RIOK1: variants seen among roughly 807,000 people sequenced by gnomAD.
RIOK1 encodes the protein RIO kinase 1, also known as serine/threonine-protein kinase RIO1.
A neutral mutation model predicts 73.5 loss-of-function variants in RIOK1; 66 were observed. The observed-to-expected ratio is 0.90, with a 90% CI of 0.74 to 1.10. RIOK1 has a LOEUF of 1.10. Among genes scored for constraint, RIOK1 ranks in the 50% least tolerant of loss-of-function variants. RIOK1 has a pLI of 0.00. For synonymous variants in RIOK1, 224 were observed against 226.8 expected, an observed-to-expected ratio of 0.99 and a Z score of 0.11; for missense variants, 658 against 699.8, an observed-to-expected ratio of 0.94 and a Z score of 0.67.
chr6:7,410,574 A>G, intron 13 of RIOK1, 123 bp downstream of exon 13: 1 of 643,296 alleles, frequency 1.6e-6, no homozygotes, highest in Non-Finnish European at 2.8e-6. Context: ...TGATGGTAAT[A>G]TTTCCTTAAG....
At chr6:7,414,605 G>T (rs1452916423) in intron 16 of RIOK1, among the ~76,000 whole-genome samples, 4 of 152,156 alleles carry the variant, frequency 2.6e-5, no homozygotes, top group African/African-American at 9.7e-5. Context: ...GCATTGCCTA[G>T]AGAGAGCACG....
At chr6:7,411,713 T>G (rs974301453) in intron 14 of RIOK1, 1 of 394,816 alleles carries the variant, frequency 2.5e-6, no homozygotes. Context: ...GTCTAGGCTA[T>G]TAATGGTTAT....
chr6:7,407,480 G>A (rs1210140659), intron 12 of RIOK1, among the ~76,000 whole-genome samples: 3 of 151,326 alleles, frequency 2.0e-5, no homozygotes, highest in Non-Finnish European at 4.4e-5. Flanking sequence ...TTTCTTTGGA[G>A]AAATGTCTTT....
At chr6:7,390,119 T>G in intron 1 of RIOK1, 46 bp downstream of exon 1, 1 of 1,509,654 alleles carries the variant, frequency 6.6e-7, no homozygotes, top group Non-Finnish European at 9.0e-7. Flanking sequence ...GCTCTCTCCT[T>G]GACCGCCCCC....
chr6:7,402,963 A>T, intron 8 of RIOK1, 66 bp downstream of exon 8: 6 of 1,428,134 alleles, frequency 4.2e-6, no homozygotes, highest in Middle Eastern at 1.8e-4. Context: ...CCTTCCTCCC[A>T]GCAGATCCCA....
At chr6:7,399,004 A>G (rs978765370) in intron 5 of RIOK1, among the ~76,000 whole-genome samples, 2 of 152,194 alleles carry the variant, frequency 1.3e-5, no homozygotes, top group Non-Finnish European at 2.9e-5. Flanking sequence ...TTATCAGACC[A>G]GCAATCTTTT....
chr6:7,398,290 C>G (rs1761527480), intron 4 of RIOK1, among the ~76,000 whole-genome samples: 1 of 151,210 alleles, frequency 6.6e-6, no homozygotes, highest in Non-Finnish European at 1.5e-5. Flanking sequence ...GCCTGGGCAA[C>G]ATAGTAAGAT....
chr6:7,394,881 CA>C (rs1761433585), intron 2 of RIOK1, 171 bp from the exon 3 acceptor site: 4 of 883,094 alleles, frequency 4.5e-6, no homozygotes, highest in Non-Finnish European at 7.1e-6. Context: ...CCTTCTGTTT[CA>C]AATGCTCTTT....
chr6:7,409,859 G>A (rs1761845303), intron 12 of RIOK1, among the ~76,000 whole-genome samples: 1 of 147,894 alleles, frequency 6.8e-6, no homozygotes, highest in Admixed American at 6.7e-5. Flanking sequence ...ATAGAGAAGA[G>A]AACACTCAGT....
At chr6:7,406,374 T>C (rs868077332) in intron 12 of RIOK1, among the ~76,000 whole-genome samples, 6 of 152,354 alleles carry the variant, frequency 3.9e-5, no homozygotes, top group Middle Eastern at 6.8e-3. Context: ...TTTAACCATT[T>C]GAATGTATGG....
At chr6:7,394,995 G>A (rs1318920044) in intron 2 of RIOK1, 58 bp from the exon 3 acceptor site, 1 of 1,599,868 alleles carries the variant, frequency 6.3e-7, no homozygotes, top group South Asian at 1.1e-5. Context: ...GAAATGTGAT[G>A]ATGAATCTTA....
Position 7,417,608 on chromosome 6 carries a change from G to A in RIOK1, c.*167G>A. On this transcript the variant is annotated 3_prime_UTR_variant, in exon 17 of 17. Coordinates refer to ENST00000379834, the MANE Select transcript of RIOK1 (RefSeq NM_031480.3). The stretch of plus-strand genomic sequence containing the variant: ...CATGTAACTATGTAAAAAGCTCTAA[G>A]CTCTAGAGTCTAGATCCAGTCACTG... The A allele has an allele frequency of 2.2e-6, 1 of 456,910 alleles. No individual in the cohort carries two copies. The highest frequency in any genetic ancestry group is 4.8e-5 in the South Asian group (1 of 20,742). The allele number at this position is 456,910 out of a possible 1,614,324, so 28.3% of individuals were successfully genotyped here.
rs376601100 is a variant in RIOK1, at chr6:7,417,291, C to A, written c.1597-40C>A. On this transcript the variant is annotated intron_variant, in intron 16 of 16. Transcript: ENST00000379834. ...AAACAAAAACAAAAAATGCATACTC[C>A]AAATGAATGAAAGTTGGCTTTTTTG... is the stretch of plus-strand genomic sequence containing the variant. The A allele has an allele frequency of 2.4e-5, 31 of 1,318,450 alleles. 1 individual carries two copies. The South Asian group carries it at 4.4e-4, about 19-fold the overall frequency. 81.7% of individuals were successfully genotyped at this position (1,318,450 alleles called of 1,614,324 possible).
chr6:7,410,514 A>G, intron 13 of RIOK1, 63 bp downstream of exon 13: 1 of 970,482 alleles, frequency 1.0e-6, no homozygotes, highest in Non-Finnish European at 1.6e-6. Flanking sequence ...TTTTTTTTTT[A>G]TGTTGCTAGA....
intron 1 of RIOK1, among the ~76,000 whole-genome samples, chr6:7,392,088 G>C (rs1761355547): frequency 1.3e-5 from 2 of 152,092 alleles, no homozygotes; most frequent in Admixed American, 1.3e-4. Flanking sequence ...GTCCTCTGTT[G>C]AATTTGGCCT....
intron 12 of RIOK1, among the ~76,000 whole-genome samples, chr6:7,406,085 C>T (rs1761739626): frequency 6.6e-6 from 1 of 151,824 alleles, no homozygotes; most frequent in Admixed American, 6.6e-5. Context: ...GCAACCTCTG[C>T]CCCTCAGGGT....
chr6:7,394,964 A>G, intron 2 of RIOK1, 89 bp from the exon 3 acceptor site: 1 of 1,558,586 alleles, frequency 6.4e-7, no homozygotes, highest in Non-Finnish European at 8.7e-7. Context: ...TTGATGCTTT[A>G]ATAGCTAAGT....
At position 7,395,059 on chromosome 6, in the gene RIOK1, C is replaced by CGATT. The variant is rs1561874222; in HGVS notation, c.285_286insTTGA (p.Gln96LeufsTer23). 1 of 1,613,822 alleles carries CGATT rather than the reference C, an allele frequency of 6.2e-7. No individual in the cohort carries two copies. On this transcript the variant is annotated frameshift_variant, in exon 3 of 17. Transcript: ENST00000379834. LOFTEE classifies it high-confidence loss of function. ...CTCTGGAATTCCCTTCTAGGCAAAT[C>CGATT]GACAGACCTCCGACAGCAGTTCAGC...
chr6:7,403,817 A>G, intron 8 of RIOK1, 124 bp from the exon 9 acceptor site: 1 of 616,796 alleles, frequency 1.6e-6, no homozygotes, highest in Non-Finnish European at 2.9e-6. Flanking sequence ...AAATATTATA[A>G]TACATTTGAG....
Sources: gnomAD v4.1 joint callset for allele counts (sites outside exome capture counted in the v4.1 genomes callset) on GRCh38, gnomAD v4.1.1 for gene constraint, MANE v1.5 for transcripts, NCBI Gene and HGNC (gene_info 2026-07-23, HGNC 2026-07-21) for gene names.